The following MLPH variants were observed in gnomAD, a reference collection of about 807,000 sequenced individuals.
MLPH encodes melanophilin, also known as exophilin-3.
In MLPH, 51 loss-of-function variants were observed where a neutral mutation model predicts 72.1. The ratio of observed to expected loss-of-function variants is 0.71; its 90% CI spans 0.56 to 0.89. MLPH has a LOEUF of 0.89. Among genes scored for constraint, MLPH ranks in the 40% least tolerant of loss-of-function variants. MLPH has a pLI of 0.00. For synonymous variants in MLPH, 301 were observed against 310.1 expected (o/e 0.97, Z 0.31); for missense variants, 743 against 759.9 (o/e 0.98, Z 0.26).
At chr2:237,493,927 C>T (rs1472771041) in intron 2 of MLPH, among the ~76,000 whole-genome samples, 1 of 152,150 alleles carries the variant, frequency 6.6e-6, no homozygotes, top group Non-Finnish European at 1.5e-5. Context: ...TTCCACCTCT[C>T]TTTTCAGCAA....
At chr2:237,553,469 C>T in intron 15 of MLPH, 97 bp from the exon 16 acceptor site, 1 of 1,138,718 alleles carries the variant, frequency 8.8e-7, no homozygotes, top group Non-Finnish European at 1.3e-6. Flanking sequence ...CATCCATGTA[C>T]ACACCTGTGT....
chr2:237,545,579 C>G, intron 12 of MLPH: 1 of 1,287,788 alleles, frequency 7.8e-7, no homozygotes, highest in Non-Finnish European at 1.0e-6. Context: ...CTTAGTCCGC[C>G]GCCACGTGAA....
chr2:237,487,821 C>T (rs1366471544), intron 1 of MLPH, among the ~76,000 whole-genome samples: 1 of 152,190 alleles, frequency 6.6e-6, no homozygotes. Context: ...AAGGTTTCCT[C>T]CCAGCCCAGG....
intron 2 of MLPH, among the ~76,000 whole-genome samples, chr2:237,498,879 G>A (rs1414562422): frequency 2.6e-5 from 4 of 152,196 alleles, no homozygotes; most frequent in Admixed American, 2.6e-4. Flanking sequence ...TTTTAGGATA[G>A]ATTTGACTTA....
chr2:237,534,832 G>C (rs1175193336), intron 9 of MLPH, among the ~76,000 whole-genome samples, 185 bp downstream of exon 9: 1 of 152,150 alleles, frequency 6.6e-6, no homozygotes, highest in Non-Finnish European at 1.5e-5. Flanking sequence ...GAAGTCTTCT[G>C]TCCCATCCAG....
chr2:237,525,114 C>G (rs941052512), intron 6 of MLPH, among the ~76,000 whole-genome samples: 1 of 152,206 alleles, frequency 6.6e-6, no homozygotes, highest in East Asian at 1.9e-4. Flanking sequence ...ACACAGACAC[C>G]CCTCTGCTGG....
intron 1 of MLPH, among the ~76,000 whole-genome samples, chr2:237,488,664 G>A (rs1176807432): frequency 6.6e-6 from 1 of 152,202 alleles, no homozygotes; most frequent in African/African-American, 2.4e-5. Context: ...AACATGGGAT[G>A]GTGCCCGGCA....
intron 14 of MLPH, among the ~76,000 whole-genome samples, chr2:237,550,371 A>T (rs2081007107): frequency 1.3e-5 from 2 of 152,214 alleles, no homozygotes; most frequent in Admixed American, 1.3e-4. Flanking sequence ...CCTGGGATAC[A>T]GCTGGTGCCC....
intron 6 of MLPH, 104 bp downstream of exon 6, chr2:237,520,133 CCA>C (rs746597215): frequency 1.4e-6 from 2 of 1,464,878 alleles, no homozygotes; most frequent in Non-Finnish European, 1.9e-6. Context: ...TGTCTGATGG[CCA>C]CACAGTCCCA....
At chr2:237,545,220 G>T (rs1271763222) in intron 12 of MLPH, among the ~76,000 whole-genome samples, 2 of 145,150 alleles carry the variant, frequency 1.4e-5, no homozygotes, top group Non-Finnish European at 3.0e-5. Flanking sequence ...GGTGAGTGGG[G>T]ACAGTGGTGA....
chr2:237,548,597 A>G (rs762388007), intron 13 of MLPH, among the ~76,000 whole-genome samples: 9 of 152,128 alleles, frequency 5.9e-5, no homozygotes, highest in Non-Finnish European at 8.8e-5. Flanking sequence ...AGCCGGGCGC[A>G]GTGGCTCACA....
At chr2:237,539,059 G>T (rs1449751229) in intron 9 of MLPH, among the ~76,000 whole-genome samples, 1 of 152,146 alleles carries the variant, frequency 6.6e-6, no homozygotes, top group Non-Finnish European at 1.5e-5. Context: ...GGGTGGGCGC[G>T]CAGAGGCTGG....
intron 4 of MLPH, among the ~76,000 whole-genome samples, chr2:237,516,657 G>A (rs997602254): frequency 4.6e-5 from 7 of 152,332 alleles, no homozygotes; most frequent in East Asian, 3.9e-4. Context: ...GCAGATTACC[G>A]GTTTTTATAC....
intron 2 of MLPH, among the ~76,000 whole-genome samples, chr2:237,502,727 C>A (rs1194019162): frequency 6.6e-6 from 1 of 152,266 alleles, no homozygotes; most frequent in South Asian, 2.1e-4. Flanking sequence ...TAGGTGGTGA[C>A]GTGGATTTGT....
chr2:237,486,528 G>A (rs997220433), upstream of MLPH: 1 of 152,260 alleles, frequency 6.6e-6, no homozygotes, highest in Non-Finnish European at 1.5e-5. Context: ...TCCAGGAGAA[G>A]AGCGCAGCGG....
At chr2:237,516,658 G>GT (rs1410143388) in intron 4 of MLPH, among the ~76,000 whole-genome samples, 4 of 152,244 alleles carry the variant, frequency 2.6e-5, no homozygotes, top group African/African-American at 9.6e-5. Flanking sequence ...CAGATTACCG[G>GT]TTTTTATACT....
chr2:237,509,764 CT>C (rs2079850876), intron 2 of MLPH, among the ~76,000 whole-genome samples: 1 of 152,094 alleles, frequency 6.6e-6, no homozygotes, highest in East Asian at 1.9e-4. Flanking sequence ...TGGCCTCCCC[CT>C]GCCTGGTGGG....
chr2:237,554,134 C>G lies in MLPH; in HGVS notation c.*542C>G. 1 of 260,722 alleles carries G rather than the reference C, an allele frequency of 3.8e-6. No individual in the cohort carries two copies. The highest frequency in any genetic ancestry group is 7.5e-6 in the Non-Finnish European group (1 of 132,534). 16.2% of individuals were successfully genotyped at this position (260,722 alleles called of 1,614,324 possible). ...TGAATAATGAAGGAGGAATAGACAC[C>G]CCAGTCCCCACCCTACGTGCACCCG... On this transcript the variant is annotated 3_prime_UTR_variant, in exon 16 of 16. Coordinates refer to ENST00000264605, the MANE Select transcript of MLPH (RefSeq NM_024101.7).
chr2:237,499,459 G>A (rs10200540), intron 2 of MLPH, among the ~76,000 whole-genome samples: 10,114 of 152,146 alleles, frequency 0.066, 1,099 homozygotes, highest in African/African-American at 0.23. Context: ...GACTAAGGTA[G>A]CAAAAGTCTT....
Sources: allele counts gnomAD v4.1 joint callset (sites outside exome capture counted in the v4.1 genomes callset), GRCh38; gene constraint gnomAD v4.1.1; transcripts MANE v1.5; gene names NCBI Gene and HGNC (gene_info 2026-07-23, HGNC 2026-07-21).